The following GPATCH2L variants were observed in gnomAD, a reference collection of about 807,000 sequenced individuals.
GPATCH2L encodes G patch domain-containing protein 2-like.
A neutral mutation model predicts 57.4 loss-of-function variants in GPATCH2L; 31 were observed. The ratio of observed to expected loss-of-function variants is 0.54; its 90% confidence interval spans 0.41 to 0.73. The LOEUF is 0.73. Ranked by LOEUF, GPATCH2L falls within the 30% of genes least tolerant of loss-of-function variation. GPATCH2L has a pLI of 0.00. For synonymous variants in GPATCH2L, 199 were observed against 210.7 expected, an observed-to-expected ratio of 0.94 and a Z score of 0.48; for missense variants, 481 against 599.9, an observed-to-expected ratio of 0.80 and a Z score of 2.07.
chr14:76,214,370 T>G (rs533462274), downstream of GPATCH2L: 9 of 152,366 alleles, frequency 5.9e-5, no homozygotes, highest in Non-Finnish European at 1.3e-4. Context: ...CCATTATGTC[T>G]TCTAACTGGT....
At chr14:76,221,369 A>G (rs1172691643) in intron 1 of GPATCH2L, among the ~76,000 whole-genome samples, 1 of 152,206 alleles carries the variant, frequency 6.6e-6, no homozygotes. Flanking sequence ...CATGTGGAGC[A>G]ACAGGAACGC....
At chr14:76,188,953 A>G (rs2139767377) in intron 8 of GPATCH2L, among the ~76,000 whole-genome samples, 1 of 152,218 alleles carries the variant, frequency 6.6e-6, no homozygotes, top group South Asian at 2.1e-4. Context: ...CCATTTATTG[A>G]AGAGACTGTC....
At chr14:76,216,049 A>G (rs543253824), downstream of GPATCH2L, among the ~76,000 whole-genome samples, 180 of 152,224 alleles carry the variant, frequency 1.2e-3, no homozygotes, top group Middle Eastern at 0.01. Flanking sequence ...GCTGACTGAG[A>G]TGGATGCAGG....
chr14:76,154,586 G>T lies in GPATCH2L; in HGVS notation c.223G>T (p.Asp75Tyr), dbSNP rs140112317. ...GTCAAGTCTGGATGAGGCCACTAAG[G>T]ACTGTCGAGAAGTGGCTCCGGTGAC... ...SESSLDEATK[D>Y]CREVAPVTNF... The change falls in exon 2 of 10, where the codon GAC becomes TAC. Residue 75 changes from aspartate to tyrosine, a missense_variant. Asp to Tyr is a radical substitution (Grantham distance 160). Transcript: ENST00000261530. The surrounding 1 kb of genome is among the most constrained non-coding windows in gnomAD (Gnocchi z 4.4). 1.4e-5 allele frequency: 22 copies of T among 1,614,124 alleles called. No individual in the cohort carries two copies. Among genetic ancestry groups the T allele is most frequent in the African/African-American group, 2.7e-5 (2 of 74,926 alleles).
chr14:76,189,343 A>G (rs183159044), intron 8 of GPATCH2L, among the ~76,000 whole-genome samples: 98 of 150,400 alleles, frequency 6.5e-4, no homozygotes, highest in Non-Finnish European at 1.2e-3. Context: ...TGAACATGGA[A>G]TATCTCTCAG....
At chr14:76,232,545 G>A (rs2040577810) in intron 2 of GPATCH2L, among the ~76,000 whole-genome samples, 1 of 152,154 alleles carries the variant, frequency 6.6e-6, no homozygotes, top group African/African-American at 2.4e-5. Context: ...GACACCAATT[G>A]CAAGTCCGGG....
rs1309018942 is a variant in GPATCH2L at position 76,201,754 on chromosome 14, A to C, written c.1352A>C (p.Glu451Ala). ...ASQAPKSPSS[E>A]WLVRTSAAEK... ...CAAGCCCCCAAATCACCCAGCTCTG[A>C]GTGGTTGGTGAGGACCTCTGCAGCA... Residue 451 changes from glutamate (E) to alanine (A), a missense_variant, in exon 10 of 10, where the codon GAG (glutamate) becomes GCG (alanine). This residue lies in a region of GPATCH2L where 248 missense variants were observed against 270.5 expected (regional missense o/e 0.92). Transcript: ENST00000261530. 6.2e-7 allele frequency: 1 copy of C among 1,613,884 alleles called. No individual in the cohort carries two copies. Among genetic ancestry groups the C allele is most frequent in the East Asian group, 2.2e-5 (1 of 44,872 alleles).
chr14:76,162,486 C>T (rs572660668), intron 2 of GPATCH2L, among the ~76,000 whole-genome samples: 1 of 152,278 alleles, frequency 6.6e-6, no homozygotes, highest in East Asian at 1.9e-4. Context: ...CATCCTGGTG[C>T]AGTGTGAGAA....
At chr14:76,215,093 A>G (rs76087227), downstream of GPATCH2L, among the ~76,000 whole-genome samples, 3,360 of 152,284 alleles carry the variant, frequency 0.022, 75 homozygotes, top group South Asian at 0.076. Flanking sequence ...CCAGAATAAT[A>G]ATAAGAAATG....
chr14:76,217,584 T>C (rs779430799), downstream of GPATCH2L, among the ~76,000 whole-genome samples: 2 of 137,050 alleles, frequency 1.5e-5, no homozygotes, highest in South Asian at 2.2e-4. Context: ...AGAGGAGATA[T>C]ATTTGACTGT....
chr14:76,156,875 C>T (rs184929867), intron 2 of GPATCH2L, among the ~76,000 whole-genome samples: 394 of 152,310 alleles, frequency 2.6e-3, no homozygotes, highest in African/African-American at 9.1e-3. Context: ...CTTTTCTGTT[C>T]CTTCTTACTC....
chr14:76,208,497 A>C lies in GPATCH2L; in HGVS notation c.*6646A>C, dbSNP rs149405412. ...AACCCTTTTACCCCCACCTTCTCTC[A>C]ATCTTAGCAGTTAATCTCAGCCCTC... On this transcript the variant is annotated 3_prime_UTR_variant, in exon 10 of 10. Transcript: ENST00000261530. 24 of 151,984 alleles carry C rather than the reference A, an allele frequency of 1.6e-4. No individual in the cohort carries two copies. In the East Asian group the frequency reaches 2.7e-3, roughly 17 times the overall value. The allele number at this position is 151,984 out of a possible 1,614,324, so 9.4% of individuals were successfully genotyped here. A position where few individuals can be genotyped will look rare whatever the true frequency, so the allele number is the denominator to read the frequency against.
At chr14:76,197,389 G>C (rs1402445535) in intron 9 of GPATCH2L, among the ~76,000 whole-genome samples, 1 of 152,160 alleles carries the variant, frequency 6.6e-6, no homozygotes, top group Non-Finnish European at 1.5e-5. Context: ...ACTGGAAAGA[G>C]TTTAAAATCC....
chr14:76,209,957 A>G lies in GPATCH2L; in HGVS notation c.*8106A>G, dbSNP rs1370406721. ...AGGTACTTCAGATGCTGGACAGCCA[A>G]TAAGAATAACAAAGGTCCACCAGAA... On this transcript the variant is annotated 3_prime_UTR_variant, in exon 10 of 10. Transcript: ENST00000261530. The G allele has an allele frequency of 6.6e-6, 1 of 152,254 alleles. No individual in the cohort carries two copies. Among genetic ancestry groups the G allele is most frequent in the Non-Finnish European group, 1.5e-5 (1 of 68,048 alleles). 9.4% of individuals were successfully genotyped at this position (152,254 alleles called of 1,614,324 possible). A position where few individuals can be genotyped will look rare whatever the true frequency, so the allele number is the denominator to read the frequency against.
intron 8 of GPATCH2L, among the ~76,000 whole-genome samples, chr14:76,186,578 G>A (rs1212597328): frequency 6.6e-6 from 1 of 152,188 alleles, no homozygotes. Flanking sequence ...CTCAGTTTCA[G>A]CCACATGTGT....
chr14:76,223,657 G>A (rs1162230453), intron 1 of GPATCH2L, among the ~76,000 whole-genome samples: 1 of 152,068 alleles, frequency 6.6e-6, no homozygotes, highest in African/African-American at 2.4e-5. Flanking sequence ...CCACAGAATG[G>A]GAGAAAATAT....
chr14:76,196,334 ATACAG>A (rs2040149352), intron 9 of GPATCH2L: 2 of 578,140 alleles, frequency 3.5e-6, no homozygotes. Context: ...CTTATTTTGC[ATACAG>A]TACAGTACAT....
At chr14:76,229,423 C>G (rs1310019097) in intron 1 of GPATCH2L, among the ~76,000 whole-genome samples, 1 of 152,194 alleles carries the variant, frequency 6.6e-6, no homozygotes, top group African/African-American at 2.4e-5. Flanking sequence ...GTCTGAACAT[C>G]ACTGCTGGCT....
rs1270902523 is a variant in GPATCH2L, at chr14:76,209,571, C to T, written c.*7720C>T. On this transcript the variant is annotated 3_prime_UTR_variant, in exon 10 of 10. Coordinates refer to ENST00000261530, the MANE Select transcript of GPATCH2L (RefSeq NM_017926.4). ...GCTTTCTCCTCTTCCGGGTCTTGGACTGGTAAGGGGGCCTGTGCCCAAAAG... is the reference window on the plus strand; with the variant it reads ...GCTTTCTCCTCTTCCGGGTCTTGGATTGGTAAGGGGGCCTGTGCCCAAAAG... 6.6e-6 allele frequency: 1 copy of T among 152,368 alleles called. No homozygotes were observed. Among genetic ancestry groups the T allele is most frequent in the Non-Finnish European group, 1.5e-5 (1 of 68,150 alleles). 9.4% of individuals were successfully genotyped at this position (152,368 alleles called of 1,614,324 possible).
Sources: allele counts gnomAD v4.1 joint callset (sites outside exome capture counted in the v4.1 genomes callset), GRCh38; gene constraint gnomAD v4.1.1; regional missense constraint gnomAD v4.1.1; non-coding constraint Gnocchi (gnomAD v3.1); transcripts MANE v1.5; gene names NCBI Gene and HGNC (gene_info 2026-07-23, HGNC 2026-07-21).